Variants in CMYA5 observed in about 807,000 individuals in gnomAD.
CMYA5 encodes the protein cardiomyopathy associated 5.
CMYA5 carries 246 observed loss-of-function variants against 318.9 expected under a neutral mutation model. The ratio of observed to expected loss-of-function variants is 0.77; its 90% CI spans 0.70 to 0.86. CMYA5 has a LOEUF of 0.86. Among genes scored for constraint, CMYA5 ranks in the 40% least tolerant of loss-of-function variants. The pLI is 0.00. For missense variants in CMYA5, 4,589 were observed against 4,678.2 expected (o/e 0.98, Z 0.56); for synonymous variants, 1,641 against 1,729.5 (o/e 0.95, Z 1.27).
intron 2 of CMYA5, among the ~76,000 whole-genome samples, chr5:79,742,563 C>A (rs938566249): frequency 9.9e-5 from 15 of 152,272 alleles, no homozygotes; most frequent in African/African-American, 3.6e-4. Flanking sequence ...TAAGGGCAGG[C>A]ATTTGTGCCT....
chr5:79,786,967 G>A (rs763177520), intron 9 of CMYA5, among the ~76,000 whole-genome samples: 146 of 152,150 alleles, frequency 9.6e-4, no homozygotes, highest in Admixed American at 3.5e-3. Flanking sequence ...AAAGCAGGAC[G>A]GATCCCATAT....
chr5:79,761,993 A>G, intron 8 of CMYA5, 36 bp downstream of exon 8: 3 of 1,593,438 alleles, frequency 1.9e-6, no homozygotes, highest in East Asian at 4.5e-5. Flanking sequence ...ATTAGAAGAC[A>G]ACGCTCAGTT....
At position 79,745,350 on chromosome 5, in the gene CMYA5, G is replaced by T; in HGVS notation, c.10863G>T (p.Leu3621=). 1 of 1,613,880 alleles carries T rather than the reference G, an allele frequency of 6.2e-7. No individual in the cohort carries two copies. Among genetic ancestry groups the T allele is most frequent in the Non-Finnish European group, 8.5e-7 (1 of 1,179,802 alleles). Residue 3621 remains leucine (L), a synonymous_variant, in exon 4 of 13, where the codon CTG becomes CTT. Coordinates refer to ENST00000446378, the MANE Select transcript of CMYA5 (RefSeq NM_153610.5). ...EEVKKKKMEF[L]HEQMVHFLQS... is the part of the protein sequence containing the mutation. The stretch of plus-strand genomic sequence containing the variant: ...TGAAGAAGAAGAAGATGGAGTTCCT[G>T]CATGAGCAGATGGTCCACTTTCTGC...
chr5:79,756,370 C>T (rs1388556332), intron 6 of CMYA5, among the ~76,000 whole-genome samples: 2 of 136,876 alleles, frequency 1.5e-5, no homozygotes, highest in Non-Finnish European at 3.3e-5. Flanking sequence ...CCTTGCCCCT[C>T]TGTTTCCTGT....
intron 12 of CMYA5, 53 bp from the exon 13 acceptor site, chr5:79,799,317 C>A: frequency 3.2e-6 from 5 of 1,543,768 alleles, no homozygotes; most frequent in Non-Finnish European, 4.4e-6. Flanking sequence ...CTTTCCTTTT[C>A]AAATTCCTTG....
chr5:79,719,655 C>A (rs189525654), intron 1 of CMYA5, among the ~76,000 whole-genome samples: 1 of 152,250 alleles, frequency 6.6e-6, no homozygotes, highest in Admixed American at 6.5e-5. Flanking sequence ...GGGACATGAA[C>A]ACACAATGAA....
In CMYA5 at chr5:79,754,239, T is replaced by A. The variant is rs142150026; in HGVS notation, c.11110+1445T>A. ...GACACCTCTCAGAAGTCCTCACCTG[T>A]GACCTGAAAAGTTGATCTGATGACC... On this transcript the variant is annotated intron_variant, in intron 6 of 12. Coordinates refer to ENST00000446378, the MANE Select transcript of CMYA5 (RefSeq NM_153610.5). Among the ~76,000 whole-genome samples the A allele has an allele frequency of 8.5e-5, 13 of 152,304 alleles. No individual in the cohort carries two copies. In the East Asian group the frequency reaches 2.5e-3, roughly 29 times the overall value.
At position 79,737,539 on chromosome 5, in the gene CMYA5, A is replaced by G; in HGVS notation, c.8774A>G (p.Glu2925Gly). 13 of 1,613,524 alleles carry G rather than the reference A, an allele frequency of 8.1e-6. No homozygotes were observed. Among genetic ancestry groups the G allele is most frequent in the Non-Finnish European group, 1.1e-5 (13 of 1,179,726 alleles). ...CCTGAAGACACATATGCAAAAGGTG[A>G]AGACTTTACAGTGACTAGTAAGCCA... ...KEPEDTYAKG[E>G]DFTVTSKPAG... is the part of the protein sequence containing the mutation. The change falls in exon 2 of 13, where the codon GAA (glutamate) becomes GGA (glycine). Residue 2925 changes from glutamate to glycine, a missense_variant. Physicochemically the swap from Glu to Gly is moderately conservative, Grantham distance 98. Transcript: ENST00000446378.
chr5:79,698,225 C>T (rs1262590838), intron 1 of CMYA5, among the ~76,000 whole-genome samples: 1 of 151,988 alleles, frequency 6.6e-6, no homozygotes, highest in Non-Finnish European at 1.5e-5. Flanking sequence ...ATTTTGGGAG[C>T]TCCAAGAAGA....
Position 79,691,469 on chromosome 5 carries a change from C to T in CMYA5, c.149+1413C>T, listed in dbSNP as rs544865773. 5.3e-5 allele frequency among the ~76,000 whole-genome samples: 8 copies of T among 152,296 alleles called. No individual in the cohort carries two copies. The East Asian group carries it at 9.6e-4, about 18-fold the overall frequency. ...CATTGCCATTTGACAAAGGTCAAGG[C>T]CTTCAGAAAAGGATGTGATTTGTCT... On this transcript the variant is annotated intron_variant, in intron 1 of 12. Transcript: ENST00000446378.
intron 11 of CMYA5, 84 bp from the exon 12 acceptor site, chr5:79,793,352 TG>T: frequency 7.5e-7 from 1 of 1,330,178 alleles, no homozygotes; most frequent in Non-Finnish European, 1.1e-6. Context: ...CTGCCTAAAC[TG>T]TGTGAGTTTG....
In CMYA5 at chr5:79,751,175, G is replaced by T. The variant is rs563315381; in HGVS notation, c.10992-1501G>T. On this transcript the variant is annotated intron_variant, in intron 5 of 12. Transcript: ENST00000446378. ...TAAATTTCCCTTTTATAACAATTTT[G>T]TGGCTCTCCCTGCCTTAAAAGACAA... 9.9e-5 allele frequency among the ~76,000 whole-genome samples: 15 copies of T among 152,142 alleles called. No homozygotes were observed. In the East Asian group the frequency reaches 2.9e-3, roughly 29 times the overall value.
chr5:79,784,597 C>T (rs1346779493), intron 9 of CMYA5, among the ~76,000 whole-genome samples: 33 of 90,196 alleles, frequency 3.7e-4, no homozygotes, highest in Non-Finnish European at 5.8e-4. Flanking sequence ...CCCTCTGAGC[C>T]AGGTGTGGGA....
intron 12 of CMYA5, among the ~76,000 whole-genome samples, chr5:79,798,353 C>T (rs147414254): frequency 1.4e-3 from 206 of 152,208 alleles, no homozygotes; most frequent in African/African-American, 4.8e-3. Context: ...TTTCCCTCAT[C>T]TCTCTTCTTC....
chr5:79,719,777 G>A (rs985371337), intron 1 of CMYA5, among the ~76,000 whole-genome samples: 1 of 152,126 alleles, frequency 6.6e-6, no homozygotes, highest in African/African-American at 2.4e-5. Flanking sequence ...GGGCATAGCT[G>A]GACTACTATG....
intron 5 of CMYA5, among the ~76,000 whole-genome samples, chr5:79,748,789 C>T (rs1382767279): frequency 6.6e-6 from 1 of 152,076 alleles, no homozygotes; most frequent in Non-Finnish European, 1.5e-5. Flanking sequence ...AGTGATCTGC[C>T]CACCTCCAGT....
Position 79,737,440 on chromosome 5 carries a change from A to G in CMYA5, c.8675A>G (p.Tyr2892Cys). The G allele has an allele frequency of 1.2e-6, 2 of 1,613,854 alleles. No homozygotes were observed. The highest frequency in any genetic ancestry group is 1.7e-4 in the Middle Eastern group (1 of 6,060). Residue 2892 changes from tyrosine (Y) to cysteine (C), a missense_variant, in exon 2 of 13, where the codon TAT becomes TGT. Physicochemically the swap from Tyr to Cys is radical, Grantham distance 194. Coordinates refer to ENST00000446378, the MANE Select transcript of CMYA5 (RefSeq NM_153610.5). ...CCACTGTCTTCAGCAAAAAGCAACT[A>G]TGCTCAATTTATATCTAATACATCA... is the stretch of plus-strand genomic sequence containing the variant. ...KEPLSSAKSN[Y>C]AQFISNTSAS...
At chr5:79,762,038 T>C (rs753651746) in intron 8 of CMYA5, 81 bp downstream of exon 8, 6 of 1,438,872 alleles carry the variant, frequency 4.2e-6, no homozygotes, top group Non-Finnish European at 5.6e-6. Context: ...AGTAAGTGTT[T>C]ATTAAGCACC....
intron 6 of CMYA5, among the ~76,000 whole-genome samples, chr5:79,756,493 T>C (rs927493345): frequency 9.9e-5 from 15 of 152,178 alleles, no homozygotes; most frequent in Non-Finnish European, 1.5e-4. Flanking sequence ...TGGGAGGTAA[T>C]ACTATTATTA....
Sources: gnomAD v4.1 joint callset for allele counts (sites outside exome capture counted in the v4.1 genomes callset) on GRCh38, gnomAD v4.1.1 for gene constraint, MANE v1.5 for transcripts, NCBI Gene and HGNC (gene_info 2026-07-23, HGNC 2026-07-21) for gene names.